Variants in EDEM3 observed in about 807,000 individuals in gnomAD.
EDEM3 encodes ER degradation-enhancing alpha-mannosidase-like protein 3.
A neutral mutation model predicts 110.2 loss-of-function variants in EDEM3; 60 were observed. The observed-to-expected ratio is 0.54, with a 90% confidence interval of 0.44 to 0.67. The LOEUF is 0.67. EDEM3 is among the 30% of genes least tolerant of loss of function. EDEM3 has a pLI of 0.00. For synonymous variants in EDEM3, 352 were observed against 382.9 expected, an observed-to-expected ratio of 0.92 and a Z score of 0.94; for missense variants, 996 against 1,121.0, an observed-to-expected ratio of 0.89 and a Z score of 1.59.
chr1:184,754,621 C>G lies in EDEM3; in HGVS notation c.26G>C (p.Cys9Ser). The G allele has an allele frequency of 6.3e-7, 1 of 1,596,178 alleles. No individual in the cohort carries two copies. The highest frequency in any genetic ancestry group is 8.5e-7 in the Non-Finnish European group (1 of 1,171,744). The stretch of plus-strand genomic sequence containing the variant: ...CGCTCGCTGGGGAACCGGGGACCCA[C>G]AGCCCCGGCCGCCGGCTTCGCTCAT... Reference protein sequence around the residue: MSEAGGRGCGSPVPQRARW... With the variant: MSEAGGRGSGSPVPQRARW... Residue 9 changes from cysteine to serine, a missense_variant, in exon 1 of 20, where the codon TGT (cysteine) becomes TCT (serine). By Grantham distance (112) the Cys-to-Ser change is moderately radical. Around this residue, in one of 5 missense-constraint regions of EDEM3, gnomAD observed 200 missense variants for 183.8 expected, o/e 1.09. Transcript: ENST00000318130.
At position 184,723,749 on chromosome 1, in the gene EDEM3, A is replaced by T; in HGVS notation, c.853+2T>A. 1 of 1,590,024 alleles carries T rather than the reference A, an allele frequency of 6.3e-7. No homozygotes were observed. The highest frequency in any genetic ancestry group is 8.6e-7 in the Non-Finnish European group (1 of 1,169,446). ...TTGATTTAAAAAGCCTAACTTACATACCTTTTCGTACCCAATCTCCAGTAT... is the reference window on the plus strand; with the variant it reads ...TTGATTTAAAAAGCCTAACTTACATTCCTTTTCGTACCCAATCTCCAGTAT... On this transcript the variant is annotated splice_donor_variant, in intron 8 of 19. Coordinates refer to ENST00000318130, the MANE Select transcript of EDEM3 (RefSeq NM_025191.4). LOFTEE classifies it high-confidence loss of function.
intron 16 of EDEM3, among the ~76,000 whole-genome samples, chr1:184,709,458 C>T (rs1302518898): frequency 6.6e-6 from 1 of 152,134 alleles, no homozygotes; most frequent in East Asian, 1.9e-4. Context: ...CCAAGGAGAG[C>T]TACAAAGCAA....
Position 184,695,180 on chromosome 1 carries a change from A to G in EDEM3, c.2390-708T>C, listed in dbSNP as rs531206674. On this transcript the variant is annotated intron_variant, in intron 19 of 19. Coordinates refer to ENST00000318130, the MANE Select transcript of EDEM3 (RefSeq NM_025191.4). The stretch of plus-strand genomic sequence containing the variant: ...GCATTTTATTTAGGGTTCCTACAAG[A>G]AAGTGCTTAAATAGCATCGACGCCT... Among the ~76,000 whole-genome samples the G allele has an allele frequency of 1.8e-4, 28 of 152,140 alleles. 2 individuals carry two copies. The South Asian group carries it at 2.3e-3, about 12-fold the overall frequency.
rs377288607 is a variant in EDEM3 at position 184,748,245 on chromosome 1, GAGACC to G, written c.204+1297_204+1301del. 1.7e-3 allele frequency among the ~76,000 whole-genome samples: 261 copies of G among 152,138 alleles called. 2 individuals carry two copies. The highest frequency in any genetic ancestry group is 5.9e-3 in the African/African-American group (246 of 41,504). ...GCAGATCACTTGAAGTCAGAAGTTC[GAGACC>G]AGCCTGGCCAACATGGTGAAACCCC... On this transcript the variant is annotated intron_variant, in intron 2 of 19. Coordinates refer to ENST00000318130, the MANE Select transcript of EDEM3 (RefSeq NM_025191.4).
At chr1:184,719,048 C>A (rs1321129813) in intron 11 of EDEM3, 114 bp downstream of exon 11, 3 of 526,662 alleles carry the variant, frequency 5.7e-6, no homozygotes, top group South Asian at 5.1e-5. Context: ...AACCAACAAG[C>A]CTTGAAGATG....
chr1:184,725,879 T>C (rs2102097291), intron 7 of EDEM3, among the ~76,000 whole-genome samples: 1 of 152,212 alleles, frequency 6.6e-6, no homozygotes, highest in East Asian at 1.9e-4. Flanking sequence ...AGAAGATTAG[T>C]GAAGGTTTCA....
intron 19 of EDEM3, among the ~76,000 whole-genome samples, chr1:184,696,029 G>C (rs1649310958): frequency 6.6e-6 from 1 of 151,812 alleles, no homozygotes; most frequent in East Asian, 1.9e-4. Context: ...AAGCAACTGG[G>C]GGGATTCTCT....
chr1:184,705,065 C>T (rs1248928456), intron 18 of EDEM3, among the ~76,000 whole-genome samples: 1 of 151,914 alleles, frequency 6.6e-6, no homozygotes, highest in African/African-American at 2.4e-5. Flanking sequence ...AGCAAGACAC[C>T]ATCTCAAAAC....
At chr1:184,728,850 C>G (rs1003269433) in intron 6 of EDEM3, among the ~76,000 whole-genome samples, 1 of 152,290 alleles carries the variant, frequency 6.6e-6, no homozygotes, top group Admixed American at 6.5e-5. Context: ...CCTCGTGATC[C>G]GCCCGACTTG....
intron 2 of EDEM3, among the ~76,000 whole-genome samples, chr1:184,737,994 T>A (rs1651929119): frequency 6.6e-6 from 1 of 152,180 alleles, no homozygotes; most frequent in African/African-American, 2.4e-5. Context: ...CTGGCATTTA[T>A]CCTTCCAGAT....
chr1:184,752,673 G>C (rs1652831868), intron 1 of EDEM3, among the ~76,000 whole-genome samples: 1 of 152,192 alleles, frequency 6.6e-6, no homozygotes, highest in Admixed American at 6.5e-5. Flanking sequence ...AATGAAGAAA[G>C]GGTAGTGATA....
chr1:184,712,336 A>G, intron 14 of EDEM3, 97 bp downstream of exon 14: 1 of 1,093,698 alleles, frequency 9.1e-7, no homozygotes, highest in Non-Finnish European at 1.3e-6. Flanking sequence ...TACCATACAT[A>G]TATTTATTGA....
chr1:184,712,544 A>G lies in EDEM3; in HGVS notation c.1425T>C (p.Ala475=), dbSNP rs1421092035. 1 of 1,584,510 alleles carries G rather than the reference A, an allele frequency of 6.3e-7. No homozygotes were observed. The highest frequency in any genetic ancestry group is 1.8e-5 in the Admixed American group (1 of 56,816). Residue 475 remains alanine, a synonymous_variant, in exon 14 of 20, where the codon GCT becomes GCC. Transcript: ENST00000318130. Reference sequence around the variant, plus strand: ...TGTCAAAAATAATGTCTTCTTTATCAGCAAATAACAGGTAAAGATATTTAA... The same window carrying G: ...TGTCAAAAATAATGTCTTCTTTATCGGCAAATAACAGGTAAAGATATTTAA... ...EMFKYLYLLF[A]DKEDIIFDIE... is the part of the protein sequence containing the mutation.
Position 184,754,381 on chromosome 1 carries a change from T to A in EDEM3, c.158+108A>T, listed in dbSNP as rs190545062. ...TAGGGTTCTCGCGCGGGAAGAGCCG[T>A]TCCAATCGCGACAGGAGAGGCCACT... On this transcript the variant is annotated intron_variant, in intron 1 of 19. Transcript: ENST00000318130. The A allele has an allele frequency of 8.4e-5, 127 of 1,519,392 alleles. No homozygotes were observed. The African/African-American group carries it at 1.7e-3, about 20-fold the overall frequency. 94.1% of individuals were successfully genotyped at this position (1,519,392 alleles called of 1,614,324 possible).
chr1:184,703,882 C>T (rs1649766952), intron 18 of EDEM3, among the ~76,000 whole-genome samples: 1 of 152,130 alleles, frequency 6.6e-6, no homozygotes, highest in African/African-American at 2.4e-5. Context: ...ATGACACAGA[C>T]TTAGGGGCTG....
intron 2 of EDEM3, among the ~76,000 whole-genome samples, chr1:184,748,370 C>T (rs1166439508): frequency 6.6e-6 from 1 of 151,660 alleles, no homozygotes; most frequent in Non-Finnish European, 1.5e-5. Context: ...TCACTTGAAC[C>T]TGGGAGGTGG....
chr1:184,694,626 C>T (rs1649236060), intron 19 of EDEM3, among the ~76,000 whole-genome samples, 154 bp from the exon 20 acceptor site: 1 of 152,074 alleles, frequency 6.6e-6, no homozygotes, highest in Admixed American at 6.6e-5. Context: ...GAAATGAAGA[C>T]TGTCTTTATG....
intron 6 of EDEM3, among the ~76,000 whole-genome samples, chr1:184,728,224 G>A (rs957550736): frequency 6.6e-6 from 1 of 152,120 alleles, no homozygotes; most frequent in Non-Finnish European, 1.5e-5. Flanking sequence ...AACTGACAAT[G>A]AAAAGTCATA....
At chr1:184,705,643 T>C (rs965008160) in intron 18 of EDEM3, among the ~76,000 whole-genome samples, 3 of 152,196 alleles carry the variant, frequency 2.0e-5, no homozygotes, top group Admixed American at 1.3e-4. Context: ...TAAGTGTTAA[T>C]ATTCTGTTTT....
Sources: allele counts gnomAD v4.1 joint callset (sites outside exome capture counted in the v4.1 genomes callset), GRCh38; gene constraint gnomAD v4.1.1; regional missense constraint gnomAD v4.1.1; transcripts MANE v1.5; gene names NCBI Gene and HGNC (gene_info 2026-07-23, HGNC 2026-07-21).